Variants in LAMC2 observed in about 807,000 individuals in gnomAD.
LAMC2 encodes the protein laminin subunit gamma-2.
A neutral mutation model predicts 140.2 loss-of-function variants in LAMC2; 97 were observed. The ratio of observed to expected loss-of-function variants is 0.69; its 90% CI spans 0.59 to 0.82. LAMC2 has a LOEUF of 0.82. Ranked by LOEUF, LAMC2 falls within the 40% of genes least tolerant of loss-of-function variation. The probability of loss-of-function intolerance (pLI) is 0.00; values close to 1 mark genes in which losing one functional copy is unlikely to be tolerated. For synonymous variants in LAMC2, 513 were observed against 540.2 expected, an observed-to-expected ratio of 0.95 and a Z score of 0.70; for missense variants, 1,402 against 1,476.1, an observed-to-expected ratio of 0.95 and a Z score of 0.82.
chr1:183,217,096 A>C (rs1013851419), intron 3 of LAMC2, among the ~76,000 whole-genome samples: 5 of 152,188 alleles, frequency 3.3e-5, no homozygotes, highest in African/African-American at 1.2e-4. Context: ...TAGACTTGGC[A>C]TGTGACTGGA....
At chr1:183,214,453 G>T (rs192513443) in intron 2 of LAMC2, among the ~76,000 whole-genome samples, 24 of 152,310 alleles carry the variant, frequency 1.6e-4, no homozygotes, top group African/African-American at 5.8e-4. Context: ...GGAGCAGCAA[G>T]TGCAAATACC....
intron 14 of LAMC2, among the ~76,000 whole-genome samples, chr1:183,233,530 T>A (rs770293744): frequency 1.1e-4 from 16 of 152,122 alleles, no homozygotes; most frequent in Non-Finnish European, 2.2e-4. Flanking sequence ...GGAAGTGGAA[T>A]GATAATCAGA....
At chr1:183,191,620 G>A (rs1354870352) in intron 1 of LAMC2, among the ~76,000 whole-genome samples, 5 of 151,976 alleles carry the variant, frequency 3.3e-5, no homozygotes, top group Non-Finnish European at 7.4e-5. Context: ...CACTTTGGGA[G>A]GCCGAGGCGG....
Position 183,211,350 on chromosome 1 carries a change from T to A in LAMC2, c.268+3281T>A, listed in dbSNP as rs1005985395. Among the ~76,000 whole-genome samples, 10 of 152,370 alleles carry A rather than the reference T, an allele frequency of 6.6e-5. No homozygotes were observed. The East Asian group carries it at 1.9e-3, about 29-fold the overall frequency. ...TGGACTTACTCTCTTAATTTTATAT[T>A]TTTTTACATATCTTTGATGCTTACA... On this transcript the variant is annotated intron_variant, in intron 2 of 22. Coordinates refer to ENST00000264144, the MANE Select transcript of LAMC2 (RefSeq NM_005562.3).
intron 11 of LAMC2, among the ~76,000 whole-genome samples, chr1:183,229,757 C>G (rs1659746524): frequency 6.6e-6 from 1 of 152,070 alleles, no homozygotes; most frequent in African/African-American, 2.4e-5. Context: ...ACCAGAGTCT[C>G]CACCTTGAAG....
the LAMC2 span, among the ~76,000 whole-genome samples, chr1:183,254,070 G>T: frequency 6.6e-6 from 1 of 152,146 alleles, no homozygotes; most frequent in South Asian, 2.1e-4. Context: ...ACCTTTACAA[G>T]GTGGTGATTT....
the LAMC2 span, chr1:183,250,525 G>A: frequency 5.2e-5 from 8 of 152,720 alleles, no homozygotes; most frequent in South Asian, 8.3e-4. Context: ...AGGAAATGGA[G>A]GGTGTGGTGT....
Position 183,234,357 on chromosome 1 carries a change from T to C in LAMC2, c.2221-10T>C. 1 of 1,612,746 alleles carries C rather than the reference T, an allele frequency of 6.2e-7. No homozygotes were observed. Among genetic ancestry groups the C allele is most frequent in the Non-Finnish European group, 8.5e-7 (1 of 1,178,786 alleles). On this transcript the variant is annotated splice_polypyrimidine_tract_variant and intron_variant, in intron 14 of 22. Transcript: ENST00000264144. ...CCGATTCGCCTTAACCGATTCTCCT[T>C]TTCCCACAGAACATTCCTGCCTCAG...
chr1:183,252,473 G>A, the LAMC2 span: 10 of 642,848 alleles, frequency 1.6e-5, no homozygotes, highest in South Asian at 1.8e-4. Flanking sequence ...GATGACTGTG[G>A]AATAGGGAAT....
At chr1:183,243,091 AAGG>A (rs766716987) in intron 22 of LAMC2, 53 bp from the exon 23 acceptor site, 39 of 1,607,102 alleles carry the variant, frequency 2.4e-5, no homozygotes, top group Admixed American at 1.0e-4. Context: ...ACGGGTGTTC[AAGG>A]AGATCTAACT....
intron 1 of LAMC2, among the ~76,000 whole-genome samples, chr1:183,204,886 A>G (rs1014269401): frequency 2.6e-5 from 4 of 152,018 alleles, no homozygotes; most frequent in Non-Finnish European, 4.4e-5. Context: ...GCAATGGCAC[A>G]ATCTCAGCTC....
chr1:183,203,466 G>C (rs6700830), intron 1 of LAMC2, among the ~76,000 whole-genome samples: 2,870 of 152,092 alleles, frequency 0.019, 111 homozygotes, highest in African/African-American at 0.066. Flanking sequence ...TAGAAAAGTT[G>C]TTTCCTGCCC....
At chr1:183,207,779 C>T (rs1433840724) in intron 1 of LAMC2, 102 bp from the exon 2 acceptor site, 16 of 1,001,850 alleles carry the variant, frequency 1.6e-5, no homozygotes, top group Non-Finnish European at 2.5e-5. Flanking sequence ...ATATAGTACT[C>T]ATGCATAATT....
chr1:183,208,056 TTG>T lies in LAMC2; in HGVS notation c.257_258del (p.Cys86Ter). ...RERDRCLPCNCNSKGSLSARC... is the reference protein window; with the variant it reads ...RERDRCLPCNXNSKGSLSARC... The stretch of plus-strand genomic sequence containing the variant: ...AAAGGGACCGCTGTTTGCCCTGCAA[TTG>T]TAACTCCAAAGGTAGCTGAAAAGGA... On this transcript the variant is annotated frameshift_variant, in exon 2 of 23. Transcript: ENST00000264144. LOFTEE classifies it high-confidence loss of function. The T allele has an allele frequency of 6.2e-7, 1 of 1,613,702 alleles. No individual in the cohort carries two copies. The highest frequency in any genetic ancestry group is 8.5e-7 in the Non-Finnish European group (1 of 1,179,912).
rs1659940871 is a variant in LAMC2, at chr1:183,235,734, C to T, written c.2456+4C>T. On this transcript the variant is annotated splice_donor_region_variant and intron_variant, in intron 16 of 22. Transcript: ENST00000264144. ...TGGTGCAAGGGCTTGTGGAAAAGTA[C>T]GTTCCTACGGGTCCTCCCGTGGCTC... 2 of 1,613,802 alleles carry T rather than the reference C, an allele frequency of 1.2e-6. No individual in the cohort carries two copies. Among genetic ancestry groups the T allele is most frequent in the East Asian group, 2.2e-5 (1 of 44,884 alleles).
At chr1:183,253,293 TTAA>T in the LAMC2 span, among the ~76,000 whole-genome samples, 1 of 148,000 alleles carries the variant, frequency 6.8e-6, no homozygotes, top group African/African-American at 2.5e-5. Context: ...TATAATAGTG[TTAA>T]TATTATATTA....
intron 5 of LAMC2, 86 bp downstream of exon 5, chr1:183,221,047 A>G (rs1377005997): frequency 1.5e-5 from 19 of 1,261,562 alleles, no homozygotes; most frequent in Non-Finnish European, 2.2e-5. Context: ...CATTCACAGG[A>G]TGGATTCTCT....
At chr1:183,216,688 C>T (rs1191674172) in intron 3 of LAMC2, among the ~76,000 whole-genome samples, 1 of 152,206 alleles carries the variant, frequency 6.6e-6, no homozygotes, top group African/African-American at 2.4e-5. Context: ...TCCCACCCCT[C>T]TGTGTTCTCA....
chr1:183,254,867 GC>G, the LAMC2 span, among the ~76,000 whole-genome samples: 1 of 152,138 alleles, frequency 6.6e-6, no homozygotes, highest in African/African-American at 2.4e-5. Flanking sequence ...TCCCTAGGTT[GC>G]CTTTTCATTT....
Sources: allele counts gnomAD v4.1 joint callset (sites outside exome capture counted in the v4.1 genomes callset), GRCh38; gene constraint gnomAD v4.1.1; transcripts MANE v1.5; gene names NCBI Gene and HGNC (gene_info 2026-07-23, HGNC 2026-07-21).